The following PIAS4 variants were observed in gnomAD, a reference collection of about 807,000 sequenced individuals.
PIAS4 encodes the protein E3 SUMO-protein ligase PIAS4.
PIAS4 carries 7 observed loss-of-function variants against 58.0 expected under a neutral mutation model. The ratio of observed to expected loss-of-function variants is 0.12; its 90% CI spans 0.07 to 0.23. PIAS4 has a LOEUF of 0.23. PIAS4 is among the 10% of genes least tolerant of loss of function. The probability of loss-of-function intolerance (pLI) is 1.00; values close to 1 mark genes in which losing one functional copy is unlikely to be tolerated. For synonymous variants in PIAS4, 364 were observed against 312.4 expected (o/e 1.17, Z -1.74); for missense variants, 550 against 709.5 (o/e 0.78, Z 2.55).
Position 4,013,475 on chromosome 19 carries a change from A to C in PIAS4, c.454+126A>C, listed in dbSNP as rs1226690733. The stretch of plus-strand genomic sequence containing the variant: ...TGGCGCAGCCAGGGCGGGGAGCCAC[A>C]GTGGCCAGGGGTGTCCTTCCTCGGA... On this transcript the variant is annotated intron_variant, in intron 2 of 10. Transcript: ENST00000262971. This position sits in a 1 kb window ranked among gnomAD's most constrained non-coding sequence, Gnocchi z 5.1. 1 of 810,594 alleles carries C rather than the reference A, an allele frequency of 1.2e-6. No homozygotes were observed. Among genetic ancestry groups the C allele is most frequent in the African/African-American group, 1.7e-5 (1 of 58,036 alleles). The allele number at this position is 810,594 out of a possible 1,614,324, so 50.2% of individuals were successfully genotyped here.
chr19:4,012,506 C>T (rs567996192), intron 1 of PIAS4, among the ~76,000 whole-genome samples: 5 of 152,214 alleles, frequency 3.3e-5, no homozygotes, highest in Admixed American at 6.5e-5. Context: ...CCAGCCAGTG[C>T]TTTATGTCAT....
chr19:4,031,424 A>G (rs1276977692), intron 7 of PIAS4, among the ~76,000 whole-genome samples: 2 of 152,138 alleles, frequency 1.3e-5, no homozygotes, highest in African/African-American at 4.8e-5. Context: ...GGGCCTGGCT[A>G]TGTACCCGTG....
intron 9 of PIAS4, among the ~76,000 whole-genome samples, chr19:4,034,344 T>C (rs2040254626): frequency 6.6e-6 from 1 of 152,116 alleles, no homozygotes; most frequent in South Asian, 2.1e-4. Context: ...CTGGCCTGCC[T>C]CTGGGGTTGT....
intron 7 of PIAS4, among the ~76,000 whole-genome samples, chr19:4,029,565 T>G (rs2040202686): frequency 6.6e-6 from 1 of 151,828 alleles, no homozygotes; most frequent in African/African-American, 2.4e-5. Flanking sequence ...TTCTTTTTTT[T>G]TTAGAGAGTC....
intron 2 of PIAS4, among the ~76,000 whole-genome samples, chr19:4,016,091 G>A (rs927625656): frequency 6.6e-6 from 1 of 152,234 alleles, no homozygotes; most frequent in Non-Finnish European, 1.5e-5. Flanking sequence ...AGAGGCTCTG[G>A]CCTGGACCTC....
chr19:4,012,670 AG>A (rs112404965), intron 1 of PIAS4, among the ~76,000 whole-genome samples: 5 of 150,200 alleles, frequency 3.3e-5, no homozygotes, highest in South Asian at 2.1e-4. Context: ...CTAAAATAGA[AG>A]GGGGGGCCTA....
intron 7 of PIAS4, among the ~76,000 whole-genome samples, chr19:4,031,310 A>G (rs2040220658): frequency 6.6e-6 from 1 of 152,192 alleles, no homozygotes; most frequent in African/African-American, 2.4e-5. Flanking sequence ...AAGTCAGGAA[A>G]GATAGCCGGC....
intron 2 of PIAS4, among the ~76,000 whole-genome samples, chr19:4,014,462 T>G (rs1354727406): frequency 6.6e-6 from 1 of 152,162 alleles, no homozygotes; most frequent in Non-Finnish European, 1.5e-5. Flanking sequence ...CGGAACGTCC[T>G]GGGCCTTTGC....
At chr19:4,022,000 C>T (rs1030827883) in intron 2 of PIAS4, among the ~76,000 whole-genome samples, 2 of 151,942 alleles carry the variant, frequency 1.3e-5, no homozygotes, top group Non-Finnish European at 2.9e-5. Flanking sequence ...CCACCCACCT[C>T]AGCCCCCAAA....
At position 4,008,664 on chromosome 19, in the gene PIAS4, C is replaced by G. The variant is rs146230057; in HGVS notation, c.27+877C>G. On this transcript the variant is annotated intron_variant, in intron 1 of 10. Transcript: ENST00000262971. Reference sequence around the variant, plus strand: ...GGGACAGAATCTGAGGCTACTGATTCTGCTTCAGGGGGCTCTAAACCTCAC... The same window carrying G: ...GGGACAGAATCTGAGGCTACTGATTGTGCTTCAGGGGGCTCTAAACCTCAC... Among the ~76,000 whole-genome samples, 598 of 152,246 alleles carry G rather than the reference C, an allele frequency of 3.9e-3. 4 individuals are homozygous for G. The highest frequency in any genetic ancestry group is 0.01 in the Middle Eastern group (3 of 294).
chr19:4,033,197 C>T, intron 8 of PIAS4, 24 bp downstream of exon 8: 1 of 1,594,296 alleles, frequency 6.3e-7, no homozygotes, highest in Non-Finnish European at 8.5e-7. Context: ...CGGTCCCCTC[C>T]TCGAGGCCTC....
At position 4,038,236 on chromosome 19, in the gene PIAS4, G is replaced by A. The variant is rs1035197653; in HGVS notation, c.*361G>A. 4 of 238,376 alleles carry A rather than the reference G, an allele frequency of 1.7e-5. No individual in the cohort carries two copies. Among genetic ancestry groups the A allele is most frequent in the South Asian group, 5.1e-5 (1 of 19,534 alleles). The allele number at this position is 238,376 out of a possible 1,614,324, so 14.8% of individuals were successfully genotyped here. A position where few individuals can be genotyped will look rare whatever the true frequency, so the allele number is the denominator to read the frequency against. On this transcript the variant is annotated 3_prime_UTR_variant, in exon 11 of 11. Transcript: ENST00000262971. This position sits in a 1 kb window ranked among gnomAD's most constrained non-coding sequence, Gnocchi z 4.1. ...CGCCCTCCCCTCCGGATGCCCCGCC[G>A]CCCGCCGCCCTCTGCCCACGACCAT...
Position 4,013,419 on chromosome 19 carries a change from C to A in PIAS4, c.454+70C>A. The A allele has an allele frequency of 1.5e-6, 2 of 1,374,164 alleles. No individual in the cohort carries two copies. Among genetic ancestry groups the A allele is most frequent in the Non-Finnish European group, 2.0e-6 (2 of 991,344 alleles). 85.1% of individuals were successfully genotyped at this position (1,374,164 alleles called of 1,614,324 possible). A position where few individuals can be genotyped will look rare whatever the true frequency, so the allele number is the denominator to read the frequency against. On this transcript the variant is annotated intron_variant, in intron 2 of 10. Coordinates refer to ENST00000262971, the MANE Select transcript of PIAS4 (RefSeq NM_015897.4). This position sits in a 1 kb window ranked among gnomAD's most constrained non-coding sequence, Gnocchi z 5.1. Reference sequence around the variant, plus strand: ...GGCCCCGTCGCCCAGCCCAGCCCAGCCACACAGCCGACTTCGAGTGATGTT... The same window carrying A: ...GGCCCCGTCGCCCAGCCCAGCCCAGACACACAGCCGACTTCGAGTGATGTT...
Position 4,037,653 on chromosome 19 carries a change from C to G in PIAS4, c.1311C>G (p.Ser437Arg). 1 of 1,611,854 alleles carries G rather than the reference C, an allele frequency of 6.2e-7. No individual in the cohort carries two copies. Among genetic ancestry groups the G allele is most frequent in the Non-Finnish European group, 8.5e-7 (1 of 1,179,776 alleles). Residue 437 changes from serine (S) to arginine (R), a missense_variant, in exon 11 of 11, where the codon AGC becomes AGG. Physicochemically the swap from Ser to Arg is moderately radical, Grantham distance 110. Transcript: ENST00000262971. This position sits in a 1 kb window ranked among gnomAD's most constrained non-coding sequence, Gnocchi z 5.8. The part of the protein sequence containing the change: ...SDANGLLPAP[S>R]VNGSGALGST... ...CCAATGGGCTCCTGCCCGCCCCCAG[C>G]GTCAACGGGAGCGGTGCCCTGGGCA...
At position 4,013,685 on chromosome 19, in the gene PIAS4, G is replaced by C. The variant is rs534980715; in HGVS notation, c.454+336G>C. ...CTGGAGCCACCTCATCTGGAGGCTCGACCAGGGCTGGAGCAGGCACATCCT... is the reference window on the plus strand; with the variant it reads ...CTGGAGCCACCTCATCTGGAGGCTCCACCAGGGCTGGAGCAGGCACATCCT... On this transcript the variant is annotated intron_variant, in intron 2 of 10. Coordinates refer to ENST00000262971, the MANE Select transcript of PIAS4 (RefSeq NM_015897.4). This position sits in a 1 kb window ranked among gnomAD's most constrained non-coding sequence, Gnocchi z 5.1. 6.6e-6 allele frequency among the ~76,000 whole-genome samples: 1 copy of C among 152,082 alleles called. No homozygotes were observed. The highest frequency in any genetic ancestry group is 2.4e-5 in the African/African-American group (1 of 41,410).
At chr19:4,008,078 G>T (rs1007788877) in intron 1 of PIAS4, among the ~76,000 whole-genome samples, 2 of 151,878 alleles carry the variant, frequency 1.3e-5, no homozygotes, top group Non-Finnish European at 2.9e-5. Context: ...GTCCCTGAGC[G>T]CCAGGCCAGG....
At chr19:4,024,529 G>A (rs1044712972) in intron 3 of PIAS4, among the ~76,000 whole-genome samples, 1 of 152,214 alleles carries the variant, frequency 6.6e-6, no homozygotes, top group African/African-American at 2.4e-5. Context: ...GATAACCCGG[G>A]CGAGACCTCC....
At chr19:4,033,247 G>A (rs561566201) in intron 8 of PIAS4, 74 bp downstream of exon 8, 4 of 1,475,520 alleles carry the variant, frequency 2.7e-6, no homozygotes, top group Non-Finnish European at 3.7e-6. Flanking sequence ...CCTGGGCCCG[G>A]GGCGGCTTGG....
chr19:4,020,764 C>T (rs929255672), intron 2 of PIAS4, among the ~76,000 whole-genome samples: 1 of 152,136 alleles, frequency 6.6e-6, no homozygotes, highest in Non-Finnish European at 1.5e-5. Flanking sequence ...CTGGCTCAGG[C>T]TTATTTAAAA....
Sources: gnomAD v4.1 joint callset for allele counts (sites outside exome capture counted in the v4.1 genomes callset) on GRCh38, gnomAD v4.1.1 for gene constraint, Gnocchi (gnomAD v3.1) non-coding constraint, MANE v1.5 for transcripts, NCBI Gene and HGNC (gene_info 2026-07-23, HGNC 2026-07-21) for gene names.